Variants in NPAS3 observed in about 807,000 individuals in gnomAD.
The protein encoded by NPAS3 is neuronal PAS domain protein 3.
A neutral mutation model predicts 73.1 loss-of-function variants in NPAS3; 14 were observed. The ratio of observed to expected loss-of-function variants is 0.19; its 90% CI spans 0.13 to 0.30. The LOEUF is 0.30. Among genes scored for constraint, NPAS3 ranks in the 10% least tolerant of loss-of-function variants. NPAS3 has a pLI of 1.00. For missense variants in NPAS3, 1,096 were observed against 1,250.0 expected, an observed-to-expected ratio of 0.88 and a Z score of 1.86; for synonymous variants, 620 against 541.5, an observed-to-expected ratio of 1.14 and a Z score of -2.01.
chr14:33,286,873 A>C, intron 3 of NPAS3, among the ~76,000 whole-genome samples: 1 of 152,148 alleles, frequency 6.6e-6, no homozygotes, highest in South Asian at 2.1e-4. Flanking sequence ...TGAAAATATG[A>C]TATTTCTCCA....
rs951472983 is a variant in NPAS3 at position 33,072,118 on chromosome 14, T to C, written c.140+16124T>C. 6.6e-5 allele frequency among the ~76,000 whole-genome samples: 10 copies of C among 152,190 alleles called. 1 individual carries two copies. Among genetic ancestry groups the C allele is most frequent in the Admixed American group, 6.5e-4 (10 of 15,278 alleles). On this transcript the variant is annotated intron_variant, in intron 2 of 11. Coordinates refer to ENST00000356141, the Ensembl canonical transcript of NPAS3. ...GTTGGACAGTCTGGTCTCAAACTCC[T>C]GATCTCAGGTGATCCGCCTGCCTCG...
chr14:33,336,966 A>G (rs932181197), intron 3 of NPAS3, among the ~76,000 whole-genome samples: 3 of 152,168 alleles, frequency 2.0e-5, no homozygotes, highest in African/African-American at 7.2e-5. Context: ...AGGCCTGTAT[A>G]TACTATGGAC....
chr14:32,969,977 A>G (rs762960382), intron 1 of NPAS3, among the ~76,000 whole-genome samples: 8 of 152,214 alleles, frequency 5.3e-5, no homozygotes, highest in Admixed American at 3.3e-4. Context: ...TAATGAGAAG[A>G]GCAAAGACTC....
At chr14:33,333,219 G>A (rs1450851169) in intron 3 of NPAS3, among the ~76,000 whole-genome samples, 5 of 152,154 alleles carry the variant, frequency 3.3e-5, no homozygotes, top group Admixed American at 6.6e-5. Context: ...ACATAAATGA[G>A]ATGATACATA....
At chr14:32,974,760 C>G (rs1387270024) in intron 1 of NPAS3, among the ~76,000 whole-genome samples, 2 of 152,084 alleles carry the variant, frequency 1.3e-5, no homozygotes, top group Admixed American at 6.5e-5. Flanking sequence ...AAAGCAAAGT[C>G]TTTCTCAGAA....
At chr14:33,789,179 G>A (rs1326506485) in intron 9 of NPAS3, among the ~76,000 whole-genome samples, 1 of 152,192 alleles carries the variant, frequency 6.6e-6, no homozygotes, top group Non-Finnish European at 1.5e-5. Flanking sequence ...AAGCAAAGCT[G>A]AAACAGTTCA....
intron 4 of NPAS3, among the ~76,000 whole-genome samples, chr14:33,543,163 A>C: frequency 6.6e-6 from 1 of 152,118 alleles, no homozygotes; most frequent in East Asian, 1.9e-4. Context: ...CTGTGTTCTC[A>C]TGACCCAGCT....
At chr14:33,520,957 A>G (rs2053528487) in intron 4 of NPAS3, among the ~76,000 whole-genome samples, 1 of 152,164 alleles carries the variant, frequency 6.6e-6, no homozygotes, top group Non-Finnish European at 1.5e-5. Context: ...ATTTACCTTT[A>G]TACATTTTAC....
intron 4 of NPAS3, among the ~76,000 whole-genome samples, chr14:33,552,943 G>A (rs546743819): frequency 6.6e-6 from 1 of 152,312 alleles, no homozygotes; most frequent in East Asian, 1.9e-4. Context: ...GTGCACAGCA[G>A]ATGTAGCATT....
intron 2 of NPAS3, among the ~76,000 whole-genome samples, chr14:33,144,920 G>A (rs2044183872): frequency 6.6e-6 from 1 of 152,016 alleles, no homozygotes; most frequent in African/African-American, 2.4e-5. Flanking sequence ...AAGGATTTAT[G>A]TGTTAGATTT....
At chr14:33,107,565 TG>T (rs1371787525) in intron 2 of NPAS3, among the ~76,000 whole-genome samples, 1 of 152,194 alleles carries the variant, frequency 6.6e-6, no homozygotes, top group Non-Finnish European at 1.5e-5. Context: ...GCTGCATCCA[TG>T]TTGCAGCAAA....
In NPAS3 at chr14:33,451,924, A is replaced by G. The variant is rs928707163; in HGVS notation, c.468+84656A>G. On this transcript the variant is annotated intron_variant, in intron 4 of 11. Coordinates refer to ENST00000356141, the Ensembl canonical transcript of NPAS3. ...TATCATTTATAACCACAGGCAGGGT[A>G]TGTATGGGCTTTGATTTCAGGTGCT... is the stretch of plus-strand genomic sequence containing the variant. 2.0e-5 allele frequency among the ~76,000 whole-genome samples: 3 copies of G among 152,190 alleles called. No homozygotes were observed. In the East Asian group the frequency reaches 5.8e-4, roughly 29 times the overall value.
At chr14:33,220,207 C>A (rs897290121) in intron 3 of NPAS3, among the ~76,000 whole-genome samples, 46 of 152,188 alleles carry the variant, frequency 3.0e-4, no homozygotes, top group African/African-American at 1.1e-3. Context: ...GACTCCTCTT[C>A]CTACCTCCAT....
At chr14:33,214,935 A>G (rs571057580) in intron 2 of NPAS3, 2 of 506,768 alleles carry the variant, frequency 3.9e-6, no homozygotes, top group African/African-American at 1.9e-5. Flanking sequence ...CAATTGAAGG[A>G]AAAAAACCTT....
intron 1 of NPAS3, among the ~76,000 whole-genome samples, chr14:32,968,951 T>C (rs7153798): frequency 0.71 from 107,994 of 151,878 alleles, 38,827 homozygotes; most frequent in East Asian, 0.84. Context: ...TTGACAGGCC[T>C]CAGTGTGTGT....
At position 33,676,783 on chromosome 14, in the gene NPAS3, T is replaced by G. The variant is rs1326364305; in HGVS notation, c.733+398T>G. ...ATAGTAGCTCGTGGAGAATTAAAAG[T>G]ATCAGGGACTTGTAGAAATCTTGGT... is the stretch of plus-strand genomic sequence containing the variant. On this transcript the variant is annotated intron_variant, in intron 6 of 11. Coordinates refer to ENST00000356141, the Ensembl canonical transcript of NPAS3. Among the ~76,000 whole-genome samples the G allele has an allele frequency of 2.0e-5, 3 of 152,200 alleles. No homozygotes were observed. The East Asian group carries it at 5.8e-4, about 29-fold the overall frequency.
intron 7 of NPAS3, among the ~76,000 whole-genome samples, chr14:33,738,898 G>C (rs897192327): frequency 6.6e-6 from 1 of 152,188 alleles, no homozygotes; most frequent in Non-Finnish European, 1.5e-5. Flanking sequence ...TGGGGTAAAA[G>C]AAGATATGTA....
At chr14:32,948,928 C>T (rs979022797) in intron 1 of NPAS3, among the ~76,000 whole-genome samples, 2 of 152,074 alleles carry the variant, frequency 1.3e-5, no homozygotes, top group Admixed American at 6.6e-5. Context: ...AGGTATGCAA[C>T]TCTTAGACAA....
At chr14:33,046,723 A>G (rs2040521399) in intron 1 of NPAS3, among the ~76,000 whole-genome samples, 2 of 152,292 alleles carry the variant, frequency 1.3e-5, no homozygotes, top group Admixed American at 6.5e-5. Flanking sequence ...CGCCTGTAAT[A>G]CCAACACTTT....
Sources: gnomAD v4.1 joint callset for allele counts (sites outside exome capture counted in the v4.1 genomes callset) on GRCh38, gnomAD v4.1.1 for gene constraint, MANE v1.5 for transcripts, NCBI Gene and HGNC (gene_info 2026-07-23, HGNC 2026-07-21) for gene names.